The following KCNIP4 variants were observed in gnomAD, a reference collection of about 807,000 sequenced individuals.
KCNIP4 encodes potassium voltage-gated channel interacting protein 4, also known as Kv channel-interacting protein 4.
In KCNIP4, 12 loss-of-function variants were observed where a neutral mutation model predicts 34.0. That is an observed-to-expected ratio of 0.35 (90% CI 0.23 to 0.57). KCNIP4 has a LOEUF of 0.57. Ranked by LOEUF, KCNIP4 falls within the 20% of genes least tolerant of loss-of-function variation. KCNIP4 has a pLI of 0.83. For synonymous variants in KCNIP4, 124 were observed against 102.2 expected (o/e 1.21, Z -1.29); for missense variants, 238 against 311.7 (o/e 0.76, Z 1.78).
At chr4:21,234,252 TATATATAAC>T (rs1228699804) in intron 1 of KCNIP4, among the ~76,000 whole-genome samples, 1 of 115,888 alleles carries the variant, frequency 8.6e-6, no homozygotes, top group Admixed American at 1.0e-4. Flanking sequence ...TAACATATAT[TATATATAAC>T]ATATATAACA....
intron 1 of KCNIP4, among the ~76,000 whole-genome samples, chr4:21,342,152 G>A (rs1275010230): frequency 6.6e-6 from 1 of 152,072 alleles, no homozygotes; most frequent in Admixed American, 6.6e-5. Flanking sequence ...AAGGCACGGG[G>A]TAGGAAGAAA....
rs113277470 is a variant in KCNIP4 at position 21,060,841 on chromosome 4, G to A, written c.62-178132C>T. 4.3e-3 allele frequency among the ~76,000 whole-genome samples: 650 copies of A among 152,270 alleles called. 3 individuals are homozygous for A. The highest frequency in any genetic ancestry group is 0.015 in the African/African-American group (620 of 41,558). ...ACACCTGTTTAGACTTTACAAGCAT[G>A]AGCTATCTCCTTCTATTTGTATATT... On this transcript the variant is annotated intron_variant, in intron 1 of 8. Coordinates refer to ENST00000382152, the MANE Select transcript of KCNIP4 (RefSeq NM_025221.6).
At chr4:21,491,033 A>G (rs1732344725) in intron 1 of KCNIP4, among the ~76,000 whole-genome samples, 2 of 151,968 alleles carry the variant, frequency 1.3e-5, no homozygotes, top group African/African-American at 4.8e-5. Context: ...TTAAAGTAAA[A>G]TGTGGCTTAT....
At chr4:21,730,828 C>A (rs56768098) in intron 1 of KCNIP4, among the ~76,000 whole-genome samples, 18,057 of 151,808 alleles carry the variant, frequency 0.12, 3,649 homozygotes, top group African/African-American at 0.41. Flanking sequence ...AGAGTCGATT[C>A]TAGGCTGGGC....
chr4:21,001,861 G>A (rs939883067), intron 1 of KCNIP4, among the ~76,000 whole-genome samples: 4 of 152,162 alleles, frequency 2.6e-5, no homozygotes, highest in East Asian at 1.9e-4. Flanking sequence ...ACCAAATGAC[G>A]TTTATTTGTT....
intron 1 of KCNIP4, among the ~76,000 whole-genome samples, chr4:21,868,201 T>C (rs934175981): frequency 9.9e-5 from 15 of 152,150 alleles, no homozygotes; most frequent in African/African-American, 3.4e-4. Context: ...CTGACCACCA[T>C]TGACAAAATA....
At position 21,089,307 on chromosome 4, in the gene KCNIP4, T is replaced by C. The variant is rs112975434; in HGVS notation, c.62-206598A>G. ...ACCTCCCTCTTTGCTCTCTTCCTCC[T>C]TCTCTGGCCGTGTAAGATGTGTCTG... On this transcript the variant is annotated intron_variant, in intron 1 of 8. Coordinates refer to ENST00000382152, the MANE Select transcript of KCNIP4 (RefSeq NM_025221.6). Among the ~76,000 whole-genome samples, 3 of 152,284 alleles carry C rather than the reference T, an allele frequency of 2.0e-5. 1 individual carries two copies. Among genetic ancestry groups the C allele is most frequent in the African/African-American group, 7.2e-5 (3 of 41,570 alleles).
At chr4:21,713,818 T>C (rs1418451740) in intron 1 of KCNIP4, among the ~76,000 whole-genome samples, 4 of 152,144 alleles carry the variant, frequency 2.6e-5, no homozygotes, top group Non-Finnish European at 5.9e-5. Context: ...ACATAAACAC[T>C]GGCTTTCTAG....
At chr4:20,993,583 G>A (rs1278932431) in intron 1 of KCNIP4, among the ~76,000 whole-genome samples, 4 of 152,146 alleles carry the variant, frequency 2.6e-5, no homozygotes, top group Admixed American at 6.5e-5. Flanking sequence ...AAATACAGAG[G>A]CCCAGAGAAC....
chr4:21,591,608 T>A (rs1742230121), intron 1 of KCNIP4, among the ~76,000 whole-genome samples: 1 of 152,122 alleles, frequency 6.6e-6, no homozygotes, highest in Non-Finnish European at 1.5e-5. Context: ...TGTGTGGTTC[T>A]TTGAGAGTCA....
At chr4:21,348,646 C>G (rs1222981550) in intron 1 of KCNIP4, among the ~76,000 whole-genome samples, 1 of 151,980 alleles carries the variant, frequency 6.6e-6, no homozygotes, top group East Asian at 1.9e-4. Flanking sequence ...ATGGAGAAGC[C>G]CATTAAGTTA....
Position 21,780,208 on chromosome 4 carries a change from G to T in KCNIP4, c.61+168363C>A, listed in dbSNP as rs930854341. On this transcript the variant is annotated intron_variant, in intron 1 of 8. Coordinates refer to ENST00000382152, the MANE Select transcript of KCNIP4 (RefSeq NM_025221.6). The stretch of plus-strand genomic sequence containing the variant: ...AGATTCTGGAAGCAGGAAATTGTGA[G>T]GATGTGTGGAATCTGATGTTGTCAC... Among the ~76,000 whole-genome samples the T allele has an allele frequency of 3.3e-5, 5 of 152,286 alleles. No homozygotes were observed. The East Asian group carries it at 9.7e-4, about 29-fold the overall frequency.
chr4:21,237,521 C>A (rs961167783), intron 1 of KCNIP4, among the ~76,000 whole-genome samples: 1 of 151,968 alleles, frequency 6.6e-6, no homozygotes, highest in Non-Finnish European at 1.5e-5. Context: ...GAATCAAATA[C>A]ACGCAATAAA....
At chr4:21,133,442 C>G (rs772246528) in intron 1 of KCNIP4, among the ~76,000 whole-genome samples, 3 of 152,140 alleles carry the variant, frequency 2.0e-5, no homozygotes, top group Non-Finnish European at 4.4e-5. Flanking sequence ...CCATGGAGTC[C>G]TGTGGGTCTT....
intron 1 of KCNIP4, among the ~76,000 whole-genome samples, chr4:21,596,517 C>T (rs937722075): frequency 5.9e-5 from 9 of 152,054 alleles, no homozygotes. Flanking sequence ...ATAGTCAAAT[C>T]AAATTGTGTG....
In KCNIP4 at chr4:21,438,471, A is replaced by G. The variant is rs148622740; in HGVS notation, c.61+510100T>C. Among the ~76,000 whole-genome samples, 259 of 152,352 alleles carry G rather than the reference A, an allele frequency of 1.7e-3. 1 individual carries two copies. Among genetic ancestry groups the G allele is most frequent in the African/African-American group, 5.7e-3 (238 of 41,584 alleles). On this transcript the variant is annotated intron_variant, in intron 1 of 8. Transcript: ENST00000382152. ...AACAGATTCTTTCCTGTGGGAATAT[A>G]TGATTCAAATATGTCTTTTATTTAG...
At chr4:21,716,577 C>A (rs1161945408) in intron 1 of KCNIP4, among the ~76,000 whole-genome samples, 4 of 152,064 alleles carry the variant, frequency 2.6e-5, no homozygotes, top group African/African-American at 9.7e-5. Flanking sequence ...GCAGAAACGG[C>A]TAGTTCCTTA....
At chr4:20,881,398 G>C (rs972088040) in intron 2 of KCNIP4, among the ~76,000 whole-genome samples, 5 of 152,056 alleles carry the variant, frequency 3.3e-5, no homozygotes, top group African/African-American at 4.8e-5. Flanking sequence ...AGTAGGTGGA[G>C]CTGTGGGTTA....
chr4:21,818,240 G>T (rs1722110262), intron 1 of KCNIP4, among the ~76,000 whole-genome samples: 1 of 152,180 alleles, frequency 6.6e-6, no homozygotes, highest in African/African-American at 2.4e-5. Flanking sequence ...AATATTGGGG[G>T]TGGGTTCCCC....
Sources: allele counts gnomAD v4.1 joint callset (sites outside exome capture counted in the v4.1 genomes callset), GRCh38; gene constraint gnomAD v4.1.1; transcripts MANE v1.5; gene names NCBI Gene and HGNC (gene_info 2026-07-23, HGNC 2026-07-21).